Variants in VPS11 observed in about 807,000 individuals in gnomAD.
VPS11 encodes the protein vacuolar protein sorting-associated protein 11 homolog.
VPS11 carries 51 observed loss-of-function variants against 106.8 expected under a neutral mutation model. That is an observed-to-expected ratio of 0.48 (90% CI 0.38 to 0.60). VPS11 has a LOEUF of 0.60. VPS11 is among the 20% of genes least tolerant of loss of function. The pLI is 0.00. For missense variants in VPS11, 950 were observed against 1,190.0 expected, an observed-to-expected ratio of 0.80 and a Z score of 2.97; for synonymous variants, 453 against 458.7, an observed-to-expected ratio of 0.99 and a Z score of 0.16.
Position 119,075,741 on chromosome 11 carries a change from TAAA to T in VPS11, c.1239-1147_1239-1145del, listed in dbSNP as rs540617210. On this transcript the variant is annotated intron_variant, in intron 7 of 15. Transcript: ENST00000621676. ...GTGGCGGGCGCCTGTAATCCCATCT[TAAA>T]AAAAAAAATTAGCTGGGTGTGGTGG... Among the ~76,000 whole-genome samples the T allele has an allele frequency of 6.9e-5, 10 of 144,620 alleles. No individual in the cohort carries two copies. In the Admixed American group the frequency reaches 7.0e-4, roughly 10 times the overall value. 94.9% of individuals were successfully genotyped at this position (144,620 alleles called of 152,430 possible).
At chr11:119,071,521 G>GCC in intron 4 of VPS11, 75 bp from the exon 5 acceptor site, 1 of 1,554,564 alleles carries the variant, frequency 6.4e-7, no homozygotes, top group Non-Finnish European at 8.7e-7. Context: ...CCAGTATGGA[G>GCC]ATGGGAATAC....
rs1440741927 is a variant in VPS11 at position 119,078,878 on chromosome 11, A to T, written c.2147A>T (p.Asp716Val). 1.9e-6 allele frequency: 3 copies of T among 1,613,864 alleles called. No individual in the cohort carries two copies. In the African/African-American group the frequency reaches 4.0e-5, roughly 22 times the overall value. ...GTGTGTGAGCGCCATGGGGAGCAGG[A>T]CCCCTCCTTGTGGGAGCAGGCCCTC... Reference protein sequence around the residue: ...ISVCERHGEQDPSLWEQALSY... With the variant: ...ISVCERHGEQVPSLWEQALSY... Residue 716 changes from aspartate to valine, a missense_variant, in exon 13 of 16, where the codon GAC becomes GTC. Asp to Val is a radical substitution (Grantham distance 152, BLOSUM62 -3). Around this residue, in one of 3 missense-constraint regions of VPS11, gnomAD observed 453 missense variants for 514.6 expected, o/e 0.88. Transcript: ENST00000621676.
intron 14 of VPS11, 79 bp downstream of exon 14, chr11:119,079,379 G>C: frequency 6.9e-7 from 1 of 1,449,690 alleles, no homozygotes; most frequent in Non-Finnish European, 9.2e-7. Flanking sequence ...AGTACTTTCC[G>C]TAGAGGATAC....
intron 14 of VPS11, among the ~76,000 whole-genome samples, chr11:119,079,667 C>T (rs1945775283): frequency 6.6e-6 from 1 of 152,176 alleles, no homozygotes; most frequent in South Asian, 2.1e-4. Context: ...CTTTGATCTC[C>T]TGGGCTCAAG....
intron 11 of VPS11, 60 bp downstream of exon 11, chr11:119,078,394 C>T: frequency 6.3e-7 from 1 of 1,590,148 alleles, no homozygotes; most frequent in Non-Finnish European, 8.5e-7. Flanking sequence ...ATTCTTCCGT[C>T]TTGGTGGCTG....
chr11:119,081,660 C>T lies in VPS11; in HGVS notation c.*37C>T, dbSNP rs202001307. The T allele has an allele frequency of 2.4e-5, 39 of 1,608,846 alleles. No homozygotes were observed. In the South Asian group the frequency reaches 3.3e-4, roughly 14 times the overall value. ...GAAGATGTGGGCAACAGTGGAGGAC[C>T]AAGAGAACAGACACAATGGGACCTG... On this transcript the variant is annotated 3_prime_UTR_variant, in exon 16 of 16. Coordinates refer to ENST00000621676, the MANE Select transcript of VPS11 (RefSeq NM_021729.6).
chr11:119,070,411 C>T lies in VPS11; in HGVS notation c.636+14C>T, dbSNP rs1945332562. 2 of 1,604,980 alleles carry T rather than the reference C, an allele frequency of 1.2e-6. No individual in the cohort carries two copies. The highest frequency in any genetic ancestry group is 1.7e-6 in the Non-Finnish European group (2 of 1,173,430). The stretch of plus-strand genomic sequence containing the variant: ...GAGAACGTCCAGGTATGACCAAGGC[C>T]TCCACTCTTAGGAGCAGGCAGGGAG... On this transcript the variant is annotated intron_variant, in intron 4 of 15. Transcript: ENST00000621676.
In VPS11 at chr11:119,073,687, T is replaced by A. The variant is rs782011911; in HGVS notation, c.1087-113T>A. The A allele has an allele frequency of 3.3e-6, 4 of 1,223,736 alleles. No individual in the cohort carries two copies. The South Asian group carries it at 5.7e-5, about 17-fold the overall frequency. 75.8% of individuals were successfully genotyped at this position (1,223,736 alleles called of 1,614,324 possible). A position where few individuals can be genotyped will look rare whatever the true frequency, so the allele number is the denominator to read the frequency against. On this transcript the variant is annotated intron_variant, in intron 6 of 15. Coordinates refer to ENST00000621676, the MANE Select transcript of VPS11 (RefSeq NM_021729.6). ...CTGGTAGCTCTTGGTTTGTCTAGGA[T>A]CTAGGCAGATCAGAAATCCAGGACT...
rs781965309 is a variant in VPS11 at position 119,077,512 on chromosome 11, G to A, written c.1437G>A (p.Glu479=). ...TGTCTCCCTGGCAGAAAAAGAGTGA[G>A]AGTGAAGTCCACTTTGATGTGGAGA... is the stretch of plus-strand genomic sequence containing the variant. The part of the protein sequence containing the change: ...KLEEFIKKKS[E]SEVHFDVETA... Residue 479 remains glutamate (E), a synonymous_variant, in exon 9 of 16, where the codon GAG becomes GAA. Coordinates refer to ENST00000621676, the MANE Select transcript of VPS11 (RefSeq NM_021729.6). 3.7e-6 allele frequency: 6 copies of A among 1,613,746 alleles called. No homozygotes were observed. The highest frequency in any genetic ancestry group is 3.3e-5 in the Admixed American group (2 of 59,980).
Position 119,067,922 on chromosome 11 carries a change from T to G in VPS11, c.99T>G (p.Pro33=). Residue 33 remains proline, a synonymous_variant, in exon 1 of 16, where the codon CCT becomes CCG. Coordinates refer to ENST00000621676, the MANE Select transcript of VPS11 (RefSeq NM_021729.6). ...ATGGGGCCGCTCCCGGGGCCACACCTGCTTCTGGATCCGCTGCTTCCAAGT... is the reference window on the plus strand; with the variant it reads ...ATGGGGCCGCTCCCGGGGCCACACCGGCTTCTGGATCCGCTGCTTCCAAGT... ...SNDGAAPGAT[P]ASGSAASKFL... is the part of the protein sequence containing the mutation. 2 of 1,610,968 alleles carry G rather than the reference T, an allele frequency of 1.2e-6. No homozygotes were observed. Among genetic ancestry groups the G allele is most frequent in the Non-Finnish European group, 1.7e-6 (2 of 1,178,600 alleles).
chr11:119,072,174 C>T, intron 5 of VPS11: 1 of 261,202 alleles, frequency 3.8e-6, no homozygotes, highest in Non-Finnish European at 7.7e-6. Context: ...CCATGTTGGC[C>T]AGGCTGGTGT....
chr11:119,071,975 T>G, intron 5 of VPS11, 132 bp downstream of exon 5: 1 of 1,276,364 alleles, frequency 7.8e-7, no homozygotes, highest in Non-Finnish European at 1.1e-6. Flanking sequence ...GTAACATTTC[T>G]GTTTTTTTTT....
chr11:119,078,340 G>A lies in VPS11; in HGVS notation c.1923+6G>A, dbSNP rs782692129. 8 of 1,608,330 alleles carry A rather than the reference G, an allele frequency of 5.0e-6. No individual in the cohort carries two copies. The South Asian group carries it at 8.8e-5, about 18-fold the overall frequency. Reference sequence around the variant, plus strand: ...CCCACGAGAAGGATCCACAGGTGAGGCCTGGCCAGGGCTTCAGGAGAAAAG... The same window carrying A: ...CCCACGAGAAGGATCCACAGGTGAGACCTGGCCAGGGCTTCAGGAGAAAAG... On this transcript the variant is annotated splice_donor_region_variant and intron_variant, in intron 11 of 15. Transcript: ENST00000621676.
Position 119,079,282 on chromosome 11 carries a change from T to C in VPS11, c.2420T>C (p.Ile807Thr). The change falls in exon 14 of 16, where the codon ATC becomes ACC. Residue 807 changes from isoleucine to threonine, a missense_variant. This residue lies in a region of VPS11 where 453 missense variants were observed against 514.6 expected (regional missense o/e 0.88). Coordinates refer to ENST00000621676, the MANE Select transcript of VPS11 (RefSeq NM_021729.6). ...GAGACCACCCGTATCCGCCAGGAGA[T>C]CCAAGAGCTCAAGGCCAGGTACCCG... ...REETTRIRQE[I>T]QELKASPKIF... 5 of 1,595,794 alleles carry C rather than the reference T, an allele frequency of 3.1e-6. No individual in the cohort carries two copies. The highest frequency in any genetic ancestry group is 4.3e-6 in the Non-Finnish European group (5 of 1,171,412).
chr11:119,077,679 C>T, intron 9 of VPS11, 32 bp downstream of exon 9: 5 of 1,564,540 alleles, frequency 3.2e-6, no homozygotes, highest in Non-Finnish European at 4.3e-6. Context: ...CCCCAAGAGA[C>T]AGGGTCTCAC....
chr11:119,070,693 T>C (rs924237502), intron 4 of VPS11: 3 of 175,734 alleles, frequency 1.7e-5, no homozygotes, highest in Admixed American at 6.1e-5. Flanking sequence ...GTAACCTCAG[T>C]CTCCCAGGTT....
intron 6 of VPS11, 160 bp from the exon 7 acceptor site, chr11:119,073,640 A>G: frequency 1.1e-6 from 1 of 912,622 alleles, no homozygotes; most frequent in South Asian, 1.8e-5. Flanking sequence ...ATGAAATAAG[A>G]TGATACTGAT....
intron 6 of VPS11, 129 bp downstream of exon 6, chr11:119,073,528 G>A (rs1017397198): frequency 4.1e-6 from 5 of 1,224,948 alleles, no homozygotes; most frequent in Admixed American, 5.1e-5. Context: ...CTTCCTTAGG[G>A]TAGGATTATA....
intron 7 of VPS11, among the ~76,000 whole-genome samples, chr11:119,075,130 C>T (rs1203005419): frequency 2.0e-5 from 3 of 151,752 alleles, no homozygotes; most frequent in Admixed American, 6.6e-5. Context: ...AGCTGGGTGT[C>T]GTGGCGGGCG....
Sources: gnomAD v4.1 joint callset for allele counts (sites outside exome capture counted in the v4.1 genomes callset) on GRCh38, gnomAD v4.1.1 for gene constraint, gnomAD v4.1.1 regional missense constraint, MANE v1.5 for transcripts, NCBI Gene and HGNC (gene_info 2026-07-23, HGNC 2026-07-21) for gene names.